Variants in NDUFS4 observed in about 807,000 individuals in gnomAD.
NDUFS4 encodes the protein NADH dehydrogenase [ubiquinone] iron-sulfur protein 4, mitochondrial.
A neutral mutation model predicts 24.3 loss-of-function variants in NDUFS4; 28 were observed. The observed-to-expected ratio is 1.15, with a 90% CI of 0.85 to 1.58. The LOEUF (loss-of-function observed/expected upper bound fraction) is 1.58. Ranked by LOEUF, NDUFS4 falls within the 40% of genes most tolerant of loss-of-function variation. The probability of loss-of-function intolerance (pLI) is 0.00; values close to 1 mark genes in which losing one functional copy is unlikely to be tolerated. For synonymous variants in NDUFS4, 93 were observed against 69.7 expected, an observed-to-expected ratio of 1.34 and a Z score of -1.67; for missense variants, 223 against 207.9, an observed-to-expected ratio of 1.07 and a Z score of -0.45.
chr5:53,578,666 C>T (rs896826580), intron 1 of NDUFS4, among the ~76,000 whole-genome samples: 3 of 152,052 alleles, frequency 2.0e-5, no homozygotes, highest in African/African-American at 7.2e-5. Flanking sequence ...GTACAGTGCT[C>T]GGCATATGCT....
intron 2 of NDUFS4, among the ~76,000 whole-genome samples, chr5:53,606,658 C>T (rs973527544): frequency 3.3e-5 from 5 of 152,176 alleles, no homozygotes; most frequent in Admixed American, 2.0e-4. Context: ...AGTCACCGTG[C>T]CCACTGCCAT....
chr5:53,603,590 A>G, intron 2 of NDUFS4, 60 bp downstream of exon 2: 1 of 1,321,624 alleles, frequency 7.6e-7, no homozygotes, highest in South Asian at 1.2e-5. Flanking sequence ...TTTGTACTAT[A>G]GATATTCAGT....
intron 3 of NDUFS4, 119 bp downstream of exon 3, chr5:53,646,524 G>T: frequency 2.0e-6 from 2 of 1,024,762 alleles, no homozygotes; most frequent in Non-Finnish European, 1.5e-6. Context: ...ACTTTTTGAC[G>T]CTGTTAAGTA....
intron 1 of NDUFS4, among the ~76,000 whole-genome samples, chr5:53,600,500 G>A (rs866384975): frequency 3.0e-4 from 45 of 152,118 alleles, no homozygotes; most frequent in Middle Eastern, 6.8e-3. Context: ...GTAGAGGTGG[G>A]GTTTTGTCAT....
At chr5:53,619,504 A>C (rs886177412) in intron 2 of NDUFS4, among the ~76,000 whole-genome samples, 16 of 150,584 alleles carry the variant, frequency 1.1e-4, no homozygotes, top group Non-Finnish European at 1.9e-4. Flanking sequence ...AAAAAAAAAA[A>C]AAAACACATT....
At chr5:53,669,084 A>G (rs1045468874) in intron 4 of NDUFS4, among the ~76,000 whole-genome samples, 2 of 152,208 alleles carry the variant, frequency 1.3e-5, no homozygotes, top group Non-Finnish European at 2.9e-5. Context: ...TAGTTGTAAT[A>G]GAGACTATAT....
chr5:53,584,576 G>A (rs1217656316), intron 1 of NDUFS4, among the ~76,000 whole-genome samples: 3 of 151,982 alleles, frequency 2.0e-5, no homozygotes, highest in Non-Finnish European at 4.4e-5. Flanking sequence ...CCGACCTCAG[G>A]TGATCCACCT....
chr5:53,594,458 G>A (rs77829437), intron 1 of NDUFS4, among the ~76,000 whole-genome samples: 9 of 151,976 alleles, frequency 5.9e-5, no homozygotes, highest in African/African-American at 1.9e-4. Flanking sequence ...ATATGTAGTT[G>A]TGTCTTATTT....
At chr5:53,644,958 C>T (rs1751816214) in intron 2 of NDUFS4, among the ~76,000 whole-genome samples, 1 of 152,130 alleles carries the variant, frequency 6.6e-6, no homozygotes, top group South Asian at 2.1e-4. Flanking sequence ...CCCACTAGTA[C>T]GTACTAGCTA....
intron 4 of NDUFS4, among the ~76,000 whole-genome samples, chr5:53,659,727 G>A (rs944349999): frequency 2.0e-5 from 3 of 152,116 alleles, no homozygotes; most frequent in South Asian, 4.1e-4. Flanking sequence ...AACATTACCT[G>A]AAATACAAAT....
chr5:53,568,428 T>C (rs950563270), intron 1 of NDUFS4, among the ~76,000 whole-genome samples: 20 of 152,274 alleles, frequency 1.3e-4, no homozygotes, highest in Admixed American at 3.3e-4. Flanking sequence ...TTAGGAAATA[T>C]ATTTTTCCTT....
At chr5:53,601,721 A>C (rs982548970) in intron 1 of NDUFS4, among the ~76,000 whole-genome samples, 1 of 152,182 alleles carries the variant, frequency 6.6e-6, no homozygotes, top group Non-Finnish European at 1.5e-5. Context: ...TAGTGTGATG[A>C]AATCTCATGC....
chr5:53,611,205 GT>G (rs571739118), intron 2 of NDUFS4, among the ~76,000 whole-genome samples: 170 of 140,610 alleles, frequency 1.2e-3, no homozygotes, highest in African/African-American at 3.2e-3. Context: ...AAAACTTGTG[GT>G]TTTTTTTTTT....
chr5:53,626,248 G>A (rs1751220456), intron 2 of NDUFS4, among the ~76,000 whole-genome samples: 1 of 152,120 alleles, frequency 6.6e-6, no homozygotes, highest in African/African-American at 2.4e-5. Context: ...AGTATTCCAT[G>A]GTGTATATGT....
intron 4 of NDUFS4, among the ~76,000 whole-genome samples, chr5:53,679,878 T>C (rs1185768204): frequency 6.6e-6 from 1 of 152,140 alleles, no homozygotes; most frequent in Non-Finnish European, 1.5e-5. Context: ...ATTTTCCAGC[T>C]ATCATTATAA....
At chr5:53,604,896 G>T (rs1056546561) in intron 2 of NDUFS4, 1 of 456,054 alleles carries the variant, frequency 2.2e-6, no homozygotes, top group Non-Finnish European at 4.4e-6. Flanking sequence ...TCTTCAAATG[G>T]TAATCAAACA....
chr5:53,577,773 T>G (rs546838844), intron 1 of NDUFS4, among the ~76,000 whole-genome samples: 1 of 152,296 alleles, frequency 6.6e-6, no homozygotes, highest in South Asian at 2.1e-4. Context: ...TGGGAAGAGA[T>G]AGTTTCTTCT....
intron 4 of NDUFS4, among the ~76,000 whole-genome samples, chr5:53,663,180 T>G (rs256113): frequency 0.78 from 119,013 of 152,016 alleles, 46,726 homozygotes; most frequent in African/African-American, 0.83. Context: ...ACTGTGGTCT[T>G]AGAGACAGTT....
intron 1 of NDUFS4, among the ~76,000 whole-genome samples, chr5:53,563,840 C>T (rs1748937261): frequency 6.6e-6 from 1 of 152,118 alleles, no homozygotes; most frequent in Non-Finnish European, 1.5e-5. Flanking sequence ...CCCTGACTTT[C>T]CTAAGAGATT....
Sources: gnomAD v4.1 joint callset for allele counts (sites outside exome capture counted in the v4.1 genomes callset) on GRCh38, gnomAD v4.1.1 for gene constraint, MANE v1.5 for transcripts, NCBI Gene and HGNC (gene_info 2026-07-23, HGNC 2026-07-21) for gene names.